LRRC37A2: variants seen among roughly 807,000 people sequenced by gnomAD.
LRRC37A2 encodes leucine rich repeat containing 37 member A2.
A neutral mutation model predicts 68.8 loss-of-function variants in LRRC37A2; 9 were observed. That is an observed-to-expected ratio of 0.13 (90% CI 0.08 to 0.23). The LOEUF (loss-of-function observed/expected upper bound fraction) is 0.23. Among genes scored for constraint, LRRC37A2 ranks in the 10% least tolerant of loss-of-function variants. LRRC37A2 has a pLI of 1.00. For synonymous variants in LRRC37A2, 63 were observed against 367.6 expected, an observed-to-expected ratio of 0.17 and a Z score of 9.48; for missense variants, 168 against 950.4, an observed-to-expected ratio of 0.18 and a Z score of 10.82.
chr17:46,992,853 CAAAAAA>C, the LRRC37A2 span, among the ~76,000 whole-genome samples: 1 of 65,166 alleles, frequency 1.5e-5, no homozygotes, highest in African/African-American at 7.1e-5. Context: ...AACTCCATCT[CAAAAAA>C]AAAAAAAAAA....
chr17:46,388,502 C>T, the LRRC37A2 span, among the ~76,000 whole-genome samples: 1 of 26,438 alleles, frequency 3.8e-5, no homozygotes, highest in African/African-American at 1.2e-4. Flanking sequence ...GCAGAGGTTG[C>T]AGTGAGCCGA....
At chr17:46,962,881 G>A in the LRRC37A2 span, among the ~76,000 whole-genome samples, 1 of 152,212 alleles carries the variant, frequency 6.6e-6, no homozygotes, top group African/African-American at 2.4e-5. Context: ...ATCTCTTTCA[G>A]TGTGTGCTAG....
the LRRC37A2 span, among the ~76,000 whole-genome samples, chr17:46,950,528 G>A: frequency 1.3e-5 from 2 of 152,224 alleles, no homozygotes; most frequent in African/African-American, 4.8e-5. Context: ...ATTGGAAATG[G>A]AAGGGTAATT....
the LRRC37A2 span, chr17:46,929,630 G>A: frequency 3.2e-6 from 3 of 926,536 alleles, no homozygotes; most frequent in Admixed American, 3.4e-5. Context: ...CTGATGACAG[G>A]GTGCTAATGG....
the LRRC37A2 span, among the ~76,000 whole-genome samples, chr17:47,000,611 T>C: frequency 5.3e-5 from 8 of 152,140 alleles, no homozygotes; most frequent in African/African-American, 1.2e-4. Flanking sequence ...TACTCCTCAA[T>C]TGAACCTTCT....
chr17:46,720,166 A>G, the LRRC37A2 span, among the ~76,000 whole-genome samples: 1 of 152,246 alleles, frequency 6.6e-6, no homozygotes, highest in Non-Finnish European at 1.5e-5. Flanking sequence ...TTTGGTTAAC[A>G]TCCTAATATA....
the LRRC37A2 span, among the ~76,000 whole-genome samples, chr17:46,470,846 AG>A: frequency 2.9e-5 from 1 of 34,556 alleles, no homozygotes; most frequent in Admixed American, 2.7e-4. Context: ...TAATTGGTGG[AG>A]GTTATTCCCC....
chr17:46,636,926 C>T, the LRRC37A2 span, among the ~76,000 whole-genome samples: 1 of 152,108 alleles, frequency 6.6e-6, no homozygotes, highest in Admixed American at 6.5e-5. Flanking sequence ...GTGATCTTGG[C>T]TCACTGCAAG....
the LRRC37A2 span, among the ~76,000 whole-genome samples, chr17:46,495,615 C>T: frequency 6.6e-6 from 1 of 150,764 alleles, no homozygotes; most frequent in Non-Finnish European, 1.5e-5. Context: ...GAACTCCTGA[C>T]CTCAGGTGAT....
At chr17:46,797,799 C>T in the LRRC37A2 span, among the ~76,000 whole-genome samples, 2 of 152,190 alleles carry the variant, frequency 1.3e-5, no homozygotes, top group Admixed American at 1.3e-4. Flanking sequence ...CAGTTTGAAA[C>T]TTAGAAACAC....
chr17:46,575,429 G>T, the LRRC37A2 span, among the ~76,000 whole-genome samples: 2 of 151,588 alleles, frequency 1.3e-5, no homozygotes, highest in East Asian at 3.9e-4. Flanking sequence ...AGCGTACTTG[G>T]TGTAGAGATG....
At chr17:46,993,476 G>A in the LRRC37A2 span, among the ~76,000 whole-genome samples, 2 of 152,244 alleles carry the variant, frequency 1.3e-5, no homozygotes, top group African/African-American at 4.8e-5. Flanking sequence ...TCCATAAGCA[G>A]CTTTTAGCGT....
the LRRC37A2 span, among the ~76,000 whole-genome samples, chr17:46,779,049 C>T: frequency 3.8e-4 from 20 of 52,998 alleles, no homozygotes; most frequent in African/African-American, 1.2e-3. Flanking sequence ...CGGTCCCTAC[C>T]CCATCACACA....
the LRRC37A2 span, among the ~76,000 whole-genome samples, chr17:46,707,518 A>G: frequency 6.6e-6 from 1 of 151,962 alleles, no homozygotes; most frequent in Admixed American, 6.6e-5. Context: ...GAAACTCTAT[A>G]CCCATTAAAT....
At chr17:46,676,163 T>G in the LRRC37A2 span, among the ~76,000 whole-genome samples, 122 of 142,866 alleles carry the variant, frequency 8.5e-4, no homozygotes, top group African/African-American at 3.1e-3. Context: ...CACAGGGAAA[T>G]TAACAAAAAA....
At chr17:46,950,444 G>C in the LRRC37A2 span, among the ~76,000 whole-genome samples, 1 of 152,186 alleles carries the variant, frequency 6.6e-6, no homozygotes, top group Non-Finnish European at 1.5e-5. Flanking sequence ...CAGTGCCAGA[G>C]CCAAAAGCCC....
At chr17:46,945,535 T>A in the LRRC37A2 span, among the ~76,000 whole-genome samples, 24 of 152,220 alleles carry the variant, frequency 1.6e-4, no homozygotes, top group Non-Finnish European at 3.1e-4. Context: ...CAGTTTCCTG[T>A]CTGTATTCAG....
chr17:46,882,764 G>A, the LRRC37A2 span, among the ~76,000 whole-genome samples: 1 of 152,138 alleles, frequency 6.6e-6, no homozygotes, highest in Non-Finnish European at 1.5e-5. Flanking sequence ...CACGAGGCAC[G>A]TGACAGGGTC....
chr17:46,851,241 C>G, the LRRC37A2 span, among the ~76,000 whole-genome samples: 7 of 152,212 alleles, frequency 4.6e-5, no homozygotes, highest in African/African-American at 1.7e-4. The surrounding 1 kb of genome is among the most constrained non-coding windows in gnomAD (Gnocchi z 4.3). Flanking sequence ...TTGCGCTTGC[C>G]TCCGCCCCAT....
Sources: allele counts gnomAD v4.1 joint callset (sites outside exome capture counted in the v4.1 genomes callset), GRCh38; gene constraint gnomAD v4.1.1; non-coding constraint Gnocchi (gnomAD v3.1); transcripts MANE v1.5; gene names NCBI Gene and HGNC (gene_info 2026-07-23, HGNC 2026-07-21).